PCDH15: variants seen among roughly 807,000 people sequenced by gnomAD.
PCDH15 encodes protocadherin related 15, also known as protocadherin-15.
In PCDH15, 129 loss-of-function variants were observed where a neutral mutation model predicts 178.5. The ratio of observed to expected loss-of-function variants is 0.72; its 90% CI spans 0.63 to 0.84. The LOEUF (loss-of-function observed/expected upper bound fraction) is 0.84. PCDH15 is among the 40% of genes least tolerant of loss of function. The pLI, the probability that PCDH15 is intolerant of heterozygous loss-of-function variation, is 0.00. For synonymous variants in PCDH15, 800 were observed against 732.0 expected (o/e 1.09, Z -1.50); for missense variants, 2,230 against 2,099.9 (o/e 1.06, Z -1.21).
chr10:55,534,188 C>T (rs1385984219), intron 2 of PCDH15, among the ~76,000 whole-genome samples: 1 of 152,026 alleles, frequency 6.6e-6, no homozygotes, highest in African/African-American at 2.4e-5. Context: ...TTGGCTAAGT[C>T]TCTAAAAGCA....
intron 2 of PCDH15, among the ~76,000 whole-genome samples, chr10:55,343,507 C>T (rs1189235217): frequency 2.6e-5 from 4 of 151,942 alleles, no homozygotes; most frequent in Non-Finnish European, 5.9e-5. Flanking sequence ...CATGTCACCT[C>T]TTCTTACCTT....
intron 25 of PCDH15, among the ~76,000 whole-genome samples, chr10:53,905,619 G>A (rs533542249): frequency 6.6e-6 from 1 of 152,226 alleles, no homozygotes; most frequent in South Asian, 2.1e-4. Flanking sequence ...TTACAGGCAT[G>A]AGCCACCATG....
At chr10:55,208,665 A>G (rs569629652) in intron 1 of PCDH15, among the ~76,000 whole-genome samples, 12 of 152,088 alleles carry the variant, frequency 7.9e-5, no homozygotes, top group African/African-American at 2.2e-4. Context: ...CAAATCATAC[A>G]CTTTTTTTGT....
At chr10:55,429,714 T>G (rs960244923) in intron 2 of PCDH15, among the ~76,000 whole-genome samples, 1 of 152,210 alleles carries the variant, frequency 6.6e-6, no homozygotes, top group Non-Finnish European at 1.5e-5. Context: ...GATATTTATG[T>G]GTTAATCAGT....
At chr10:55,298,104 C>T (rs1254044434) in intron 1 of PCDH15, among the ~76,000 whole-genome samples, 1 of 152,170 alleles carries the variant, frequency 6.6e-6, no homozygotes, top group African/African-American at 2.4e-5. Flanking sequence ...ACACTTCACT[C>T]TTACATGGGA....
intron 2 of PCDH15, among the ~76,000 whole-genome samples, chr10:55,472,272 A>AT (rs1470469233): frequency 3.3e-5 from 5 of 151,460 alleles, no homozygotes; most frequent in South Asian, 4.1e-4. Flanking sequence ...TAAATTAAAT[A>AT]TTTTTTTCAG....
At chr10:55,509,069 A>G (rs553241942) in intron 2 of PCDH15, among the ~76,000 whole-genome samples, 3 of 151,930 alleles carry the variant, frequency 2.0e-5, no homozygotes, top group South Asian at 2.1e-4. Flanking sequence ...TACATGACAG[A>G]CAGTCAGAGA....
chr10:55,535,423 T>C (rs1382440465), intron 2 of PCDH15, among the ~76,000 whole-genome samples: 2 of 152,180 alleles, frequency 1.3e-5, no homozygotes, highest in Admixed American at 1.3e-4. Flanking sequence ...TCAACTTTTC[T>C]TTTTTATTTT....
At chr10:54,103,190 G>C (rs1408315523) in intron 15 of PCDH15, among the ~76,000 whole-genome samples, 1 of 152,284 alleles carries the variant, frequency 6.6e-6, no homozygotes, top group South Asian at 2.1e-4. Context: ...TTAGTCTTTT[G>C]TCCATTCTAC....
chr10:55,098,788 G>A (rs1258258166), intron 2 of PCDH15, among the ~76,000 whole-genome samples: 1 of 151,846 alleles, frequency 6.6e-6, no homozygotes, highest in African/African-American at 2.4e-5. Flanking sequence ...GCGGTGGGCT[G>A]GTTTTTCACT....
At chr10:54,623,945 A>G (rs2093465238) in intron 2 of PCDH15, among the ~76,000 whole-genome samples, 1 of 152,164 alleles carries the variant, frequency 6.6e-6, no homozygotes, top group African/African-American at 2.4e-5. Context: ...ACTATATTTT[A>G]AAATGAAATC....
chr10:54,100,103 C>T (rs1434720903), intron 15 of PCDH15, among the ~76,000 whole-genome samples: 1 of 152,122 alleles, frequency 6.6e-6, no homozygotes, highest in Non-Finnish European at 1.5e-5. Flanking sequence ...CATGGTGGCT[C>T]ATGACTGTAA....
intron 2 of PCDH15, among the ~76,000 whole-genome samples, chr10:54,573,503 T>A (rs1400421348): frequency 6.6e-6 from 1 of 152,190 alleles, no homozygotes; most frequent in Admixed American, 6.6e-5. Flanking sequence ...TTGAATAGTT[T>A]TCTTTGACTC....
At chr10:53,843,417 C>T (rs529644139) in intron 28 of PCDH15, among the ~76,000 whole-genome samples, 4 of 151,862 alleles carry the variant, frequency 2.6e-5, no homozygotes, top group African/African-American at 9.7e-5. Flanking sequence ...ACATATACCC[C>T]CACACACACA....
chr10:54,094,130 A>C (rs2094652790), intron 15 of PCDH15, among the ~76,000 whole-genome samples: 2 of 152,100 alleles, frequency 1.3e-5, no homozygotes, highest in African/African-American at 4.8e-5. Flanking sequence ...CAAAATGAGA[A>C]TACTACTACT....
chr10:55,347,852 T>C (rs1051643909), intron 2 of PCDH15, among the ~76,000 whole-genome samples: 23 of 152,146 alleles, frequency 1.5e-4, no homozygotes, highest in African/African-American at 4.3e-4. Flanking sequence ...GTTTTGCAAT[T>C]TGAAAATCAA....
chr10:54,333,715 T>C lies in PCDH15; in HGVS notation c.595-4009A>G, dbSNP rs534985817. 3.9e-5 allele frequency among the ~76,000 whole-genome samples: 6 copies of C among 152,294 alleles called. No individual in the cohort carries two copies. In the East Asian group the frequency reaches 9.7e-4, roughly 25 times the overall value. On this transcript the variant is annotated intron_variant, in intron 6 of 37. Coordinates refer to ENST00000644397, the MANE Select transcript of PCDH15 (RefSeq NM_001384140.1). ...TCATAGGCATGTATCATTAAGACTG[T>C]AGATTCCTAGCATCTATTACCCAAA...
chr10:55,567,214 A>G (rs2132105616), intron 2 of PCDH15, among the ~76,000 whole-genome samples: 1 of 152,074 alleles, frequency 6.6e-6, no homozygotes, highest in South Asian at 2.1e-4. Flanking sequence ...TGCAGGGAAA[A>G]TTAGATATCC....
chr10:53,815,935 C>T (rs762918351), intron 35 of PCDH15, among the ~76,000 whole-genome samples: 19 of 152,066 alleles, frequency 1.2e-4, no homozygotes, highest in Non-Finnish European at 2.4e-4. Flanking sequence ...TTGATTAAGA[C>T]AAGTAACTGC....
Sources: allele counts gnomAD v4.1 joint callset (sites outside exome capture counted in the v4.1 genomes callset), GRCh38; gene constraint gnomAD v4.1.1; transcripts MANE v1.5; gene names NCBI Gene and HGNC (gene_info 2026-07-23, HGNC 2026-07-21).